Variants in CLCA4 observed in about 807,000 individuals in gnomAD.
The protein encoded by CLCA4 is chloride channel accessory 4.
Under a neutral mutation model 78.9 loss-of-function variants are expected in CLCA4, and 69 were observed. The observed-to-expected ratio is 0.87, with a 90% CI of 0.72 to 1.07. The LOEUF is 1.07. Ranked by LOEUF, CLCA4 falls within the 50% of genes least tolerant of loss-of-function variation. The pLI, the probability that CLCA4 is intolerant of heterozygous loss-of-function variation, is 0.00. For missense variants in CLCA4, 1,133 were observed against 1,095.8 expected, an observed-to-expected ratio of 1.03 and a Z score of -0.48; for synonymous variants, 362 against 375.8, an observed-to-expected ratio of 0.96 and a Z score of 0.42.
intron 3 of CLCA4, among the ~76,000 whole-genome samples, chr1:86,562,103 A>G (rs1218282452): frequency 1.3e-5 from 2 of 152,136 alleles, no homozygotes; most frequent in Non-Finnish European, 2.9e-5. Context: ...CACATGGTGC[A>G]AGGAAGGGGA....
intron 1 of CLCA4, among the ~76,000 whole-genome samples, chr1:86,556,044 A>G (rs1038224332): frequency 4.6e-5 from 7 of 152,146 alleles, no homozygotes; most frequent in African/African-American, 9.7e-5. Flanking sequence ...ATTTTTGTAC[A>G]TTGATTTTGT....
At chr1:86,578,691 C>CAAT (rs774163770) in intron 12 of CLCA4, among the ~76,000 whole-genome samples, 3 of 152,028 alleles carry the variant, frequency 2.0e-5, no homozygotes, top group Non-Finnish European at 4.4e-5. Context: ...TGTATATCAA[C>CAAT]AATAATATGC....
intron 1 of CLCA4, among the ~76,000 whole-genome samples, chr1:86,548,833 A>G (rs916849802): frequency 3.9e-5 from 6 of 152,118 alleles, no homozygotes; most frequent in African/African-American, 1.2e-4. Flanking sequence ...CAATATGGTA[A>G]TGGGCAGAGG....
intron 4 of CLCA4, among the ~76,000 whole-genome samples, chr1:86,564,155 C>T (rs1483447518): frequency 6.6e-6 from 1 of 152,030 alleles, no homozygotes; most frequent in Non-Finnish European, 1.5e-5. Flanking sequence ...CTTCAAGGAG[C>T]CAAGCAGGAA....
At chr1:86,552,488 G>C (rs944717411) in intron 1 of CLCA4, 8 of 500,252 alleles carry the variant, frequency 1.6e-5, no homozygotes, top group African/African-American at 4.0e-5. Context: ...ATGATGGTCT[G>C]TTCTGGGATT....
chr1:86,577,876 C>T lies in CLCA4; in HGVS notation c.1952-26C>T, dbSNP rs765036934. On this transcript the variant is annotated intron_variant, in intron 11 of 13. Coordinates refer to ENST00000370563, the MANE Select transcript of CLCA4 (RefSeq NM_012128.4). ...AAATGCAAAATTTCTCTTTACAAGA[C>T]TTTATTCCTTCATTTCTATAACAAG... 8 of 1,592,810 alleles carry T rather than the reference C, an allele frequency of 5.0e-6. No homozygotes were observed. The African/African-American group carries it at 6.8e-5, about 13-fold the overall frequency.
chr1:86,580,521 G>T lies in CLCA4; in HGVS notation c.*176G>T. Reference sequence around the variant, plus strand: ...ACTTTGATTAAATAAAAACACTCATGGATATGTAAAAACTGTCAAGATTAA... The same window carrying T: ...ACTTTGATTAAATAAAAACACTCATTGATATGTAAAAACTGTCAAGATTAA... On this transcript the variant is annotated 3_prime_UTR_variant, in exon 14 of 14. Coordinates refer to ENST00000370563, the MANE Select transcript of CLCA4 (RefSeq NM_012128.4). 1 of 439,142 alleles carries T rather than the reference G, an allele frequency of 2.3e-6. No individual in the cohort carries two copies. The highest frequency in any genetic ancestry group is 4.1e-5 in the Admixed American group (1 of 24,666). 27.2% of individuals were successfully genotyped at this position (439,142 alleles called of 1,614,324 possible). A position where few individuals can be genotyped will look rare whatever the true frequency, so the allele number is the denominator to read the frequency against.
rs748034502 is a variant in CLCA4, at chr1:86,567,551, A to G, written c.1082A>G (p.Gln361Arg). 1 of 1,613,310 alleles carries G rather than the reference A, an allele frequency of 6.2e-7. No homozygotes were observed. The highest frequency in any genetic ancestry group is 2.2e-5 in the East Asian group (1 of 44,872). Reference protein sequence around the residue: ...STATIVNKLIQIKSSDERNTL... With the variant: ...STATIVNKLIRIKSSDERNTL... The stretch of plus-strand genomic sequence containing the variant: ...GCCACTATTGTAAATAAGCTAATCC[A>G]AATAAAAAGCAGTGATGAAAGAAAC... The change falls in exon 7 of 14, where the codon CAA (glutamine) becomes CGA (arginine). Residue 361 changes from glutamine to arginine, a missense_variant. By Grantham distance (43) the Gln-to-Arg change is conservative (BLOSUM62 1). Transcript: ENST00000370563.
At chr1:86,552,281 A>C (rs569701702) in intron 1 of CLCA4, among the ~76,000 whole-genome samples, 11 of 152,328 alleles carry the variant, frequency 7.2e-5, no homozygotes, top group African/African-American at 2.6e-4. Context: ...ACCTGTCTGA[A>C]TGTAAAGGAG....
At chr1:86,549,693 TATA>T (rs1649602849) in intron 1 of CLCA4, among the ~76,000 whole-genome samples, 1 of 152,026 alleles carries the variant, frequency 6.6e-6, no homozygotes, top group African/African-American at 2.4e-5. Flanking sequence ...AGGAAGGAAA[TATA>T]ATAAGAGTCA....
At chr1:86,571,311 T>A (rs1243071956) in intron 8 of CLCA4, 57 bp downstream of exon 8, 1 of 1,497,258 alleles carries the variant, frequency 6.7e-7, no homozygotes, top group Non-Finnish European at 9.1e-7. Context: ...ATGTAAAGGC[T>A]GACAGTTCAA....
At position 86,547,252 on chromosome 1, in the gene CLCA4, G is replaced by A; in HGVS notation, c.133G>A (p.Asp45Asn). 1 of 1,593,154 alleles carries A rather than the reference G, an allele frequency of 6.3e-7. No individual in the cohort carries two copies. The highest frequency in any genetic ancestry group is 1.8e-5 in the Admixed American group (1 of 54,808). Residue 45 changes from aspartate (D) to asparagine (N), a missense_variant, in exon 1 of 14, where the codon GAT becomes AAT. Physicochemically the swap from Asp to Asn is conservative, Grantham distance 23. Transcript: ENST00000370563. ...VIVIDPSVPE[D>N]EKIIEQIEDM... ...TGTTATAGATCCTAGTGTGCCAGAA[G>A]ATGAAAAAATAATTGAACAAATAGA...
At chr1:86,572,380 T>G (rs1650374373) in intron 8 of CLCA4, among the ~76,000 whole-genome samples, 1 of 152,058 alleles carries the variant, frequency 6.6e-6, no homozygotes, top group Non-Finnish European at 1.5e-5. Context: ...ATAATTATCA[T>G]GCATTTTAGC....
intron 1 of CLCA4, among the ~76,000 whole-genome samples, chr1:86,548,808 G>A (rs937116301): frequency 2.7e-4 from 41 of 151,940 alleles, no homozygotes; most frequent in African/African-American, 9.7e-4. Flanking sequence ...TAAAAGCAGT[G>A]TGGTGCAGTG....
chr1:86,565,907 G>A lies in CLCA4; in HGVS notation c.841G>A (p.Asp281Asn). The A allele has an allele frequency of 2.5e-6, 4 of 1,612,704 alleles. No homozygotes were observed. Among genetic ancestry groups the A allele is most frequent in the Non-Finnish European group, 2.5e-6 (3 of 1,178,968 alleles). ...STWEVISNSEDFKNTIPMVTP... is the reference protein window; with the variant it reads ...STWEVISNSENFKNTIPMVTP... ...ATGGGAGGTGATTAGCAATTCTGAGGATTTTAAAAACACCATACCCATGGT... is the reference window on the plus strand; with the variant it reads ...ATGGGAGGTGATTAGCAATTCTGAGAATTTTAAAAACACCATACCCATGGT... The change falls in exon 6 of 14, where the codon GAT becomes AAT. Residue 281 changes from aspartate to asparagine, a missense_variant. Physicochemically the swap from Asp to Asn is conservative, Grantham distance 23. Coordinates refer to ENST00000370563, the MANE Select transcript of CLCA4 (RefSeq NM_012128.4).
At chr1:86,549,755 G>A (rs920509067) in intron 1 of CLCA4, among the ~76,000 whole-genome samples, 5 of 152,180 alleles carry the variant, frequency 3.3e-5, no homozygotes, top group Non-Finnish European at 7.4e-5. Context: ...AGAAGGGGAA[G>A]ACTGTAAGTG....
intron 1 of CLCA4, among the ~76,000 whole-genome samples, chr1:86,552,059 C>T (rs531681253): frequency 6.6e-6 from 1 of 152,200 alleles, no homozygotes; most frequent in Admixed American, 6.5e-5. Flanking sequence ...AAAAAAATCC[C>T]TTATTTAAAC....
chr1:86,570,338 T>C (rs1408835584), intron 7 of CLCA4, among the ~76,000 whole-genome samples: 3 of 151,978 alleles, frequency 2.0e-5, no homozygotes, highest in Non-Finnish European at 4.4e-5. Context: ...AAATGAAATA[T>C]GTTGTCATCC....
At chr1:86,572,515 C>T in intron 8 of CLCA4, 99 bp from the exon 9 acceptor site, 1 of 712,772 alleles carries the variant, frequency 1.4e-6, no homozygotes, top group Admixed American at 2.2e-5. Flanking sequence ...ATAACACATA[C>T]TGAAACTATG....
Sources: gnomAD v4.1 joint callset for allele counts (sites outside exome capture counted in the v4.1 genomes callset) on GRCh38, gnomAD v4.1.1 for gene constraint, MANE v1.5 for transcripts, NCBI Gene and HGNC (gene_info 2026-07-23, HGNC 2026-07-21) for gene names.